The following CRIM1 variants were observed in gnomAD, a reference collection of about 807,000 sequenced individuals.
The protein encoded by CRIM1 is cysteine rich transmembrane BMP regulator 1.
In CRIM1, 32 loss-of-function variants were observed where a neutral mutation model predicts 116.4. The observed-to-expected ratio is 0.27, with a 90% CI of 0.21 to 0.37. The LOEUF (loss-of-function observed/expected upper bound fraction) is 0.37, where lower values mean the gene tolerates loss of function less well. Ranked by LOEUF, CRIM1 falls within the 10% of genes least tolerant of loss-of-function variation. The pLI is 1.00. For synonymous variants in CRIM1, 590 were observed against 509.2 expected, an observed-to-expected ratio of 1.16 and a Z score of -2.13; for missense variants, 1,331 against 1,354.8, an observed-to-expected ratio of 0.98 and a Z score of 0.28.
At chr2:36,457,115 A>G (rs1405578236) in intron 4 of CRIM1, among the ~76,000 whole-genome samples, 4 of 152,094 alleles carry the variant, frequency 2.6e-5, no homozygotes, top group Non-Finnish European at 1.5e-5. Context: ...AGTAGTAGGA[A>G]GGCAAGGGAA....
intron 2 of CRIM1, among the ~76,000 whole-genome samples, chr2:36,397,875 G>A (rs1237308249): frequency 6.6e-6 from 1 of 152,148 alleles, no homozygotes; most frequent in Non-Finnish European, 1.5e-5. Context: ...AGAACATTTA[G>A]TCCAGTCCTT....
intron 1 of CRIM1, among the ~76,000 whole-genome samples, chr2:36,365,394 A>G (rs905642578): frequency 2.0e-5 from 3 of 152,236 alleles, no homozygotes; most frequent in African/African-American, 7.2e-5. Context: ...CCCCAAGGAT[A>G]TAGCCAGGCC....
At chr2:36,377,822 A>G (rs1007823734) in intron 1 of CRIM1, among the ~76,000 whole-genome samples, 1 of 152,214 alleles carries the variant, frequency 6.6e-6, no homozygotes, top group Non-Finnish European at 1.5e-5. Context: ...GGTTGAAATA[A>G]GGCATCATAG....
At chr2:36,362,514 C>G (rs1253566721) in intron 1 of CRIM1, among the ~76,000 whole-genome samples, 2 of 152,146 alleles carry the variant, frequency 1.3e-5, no homozygotes, top group Non-Finnish European at 2.9e-5. Flanking sequence ...GTGATTTTCT[C>G]TTTGTTCTAG....
chr2:36,523,461 G>A (rs1043225202), intron 13 of CRIM1, among the ~76,000 whole-genome samples: 7 of 152,142 alleles, frequency 4.6e-5, no homozygotes, highest in Non-Finnish European at 8.8e-5. Context: ...CTAGTCCTAT[G>A]GACATAAGCC....
chr2:36,518,082 A>C (rs1665147015), intron 12 of CRIM1, among the ~76,000 whole-genome samples: 1 of 152,224 alleles, frequency 6.6e-6, no homozygotes, highest in Non-Finnish European at 1.5e-5. Context: ...GCACATGTAT[A>C]AGGAGTGCTA....
At chr2:36,479,781 C>T (rs1436039232) in intron 7 of CRIM1, 87 bp downstream of exon 7, 1 of 1,338,620 alleles carries the variant, frequency 7.5e-7, no homozygotes, top group African/African-American at 1.4e-5. Context: ...TTGTTTATTT[C>T]CTTGGGCATA....
At chr2:36,414,739 G>A (rs1673472729) in intron 2 of CRIM1, among the ~76,000 whole-genome samples, 1 of 152,166 alleles carries the variant, frequency 6.6e-6, no homozygotes, top group African/African-American at 2.4e-5. Context: ...AAAGAGTTTT[G>A]TGTCCCGAGG....
At chr2:36,381,736 G>C (rs780076442) in intron 1 of CRIM1, among the ~76,000 whole-genome samples, 3 of 152,194 alleles carry the variant, frequency 2.0e-5, no homozygotes, top group Non-Finnish European at 2.9e-5. Flanking sequence ...GCAGTGAGCC[G>C]AGATTACGCT....
chr2:36,487,069 G>A (rs910400814), intron 7 of CRIM1, among the ~76,000 whole-genome samples: 1 of 152,160 alleles, frequency 6.6e-6, no homozygotes, highest in African/African-American at 2.4e-5. Flanking sequence ...TGTCTACCCA[G>A]TAGAATTTAA....
chr2:36,367,915 A>T (rs1423691493), intron 1 of CRIM1, among the ~76,000 whole-genome samples: 2 of 152,096 alleles, frequency 1.3e-5, no homozygotes, highest in Non-Finnish European at 2.9e-5. Flanking sequence ...TATGTACTTC[A>T]TTAATTATTA....
chr2:36,442,608 C>T lies in CRIM1; in HGVS notation c.749-7C>T. 2 of 1,614,130 alleles carry T rather than the reference C, an allele frequency of 1.2e-6. No homozygotes were observed. The highest frequency in any genetic ancestry group is 8.5e-7 in the Non-Finnish European group (1 of 1,179,992). ...ATAAACGGTGCCTCTCTGTTTGCCC[C>T]TTTCAGTTTTCGGCGTGGACTGCAG... On this transcript the variant is annotated splice_region_variant and splice_polypyrimidine_tract_variant and intron_variant, in intron 3 of 16. Coordinates refer to ENST00000280527, the MANE Select transcript of CRIM1 (RefSeq NM_016441.3).
At chr2:36,414,701 C>G (rs57947134) in intron 2 of CRIM1, among the ~76,000 whole-genome samples, 25,370 of 152,094 alleles carry the variant, frequency 0.17, 2,242 homozygotes, top group East Asian at 0.28. Context: ...AGTGAACTTG[C>G]CCATGTTCAG....
At chr2:36,546,882 A>C in intron 15 of CRIM1, 102 bp from the exon 16 acceptor site, 3 of 656,416 alleles carry the variant, frequency 4.6e-6, no homozygotes, top group Non-Finnish European at 7.7e-6. Context: ...AAAACTGGGA[A>C]GCAATAAAAC....
chr2:36,365,090 T>C (rs139636871), intron 1 of CRIM1, among the ~76,000 whole-genome samples: 2 of 152,066 alleles, frequency 1.3e-5, no homozygotes, highest in Admixed American at 1.3e-4. Context: ...AAAAGAACCG[T>C]GAAGTACCGA....
At chr2:36,421,413 T>C (rs1674056380) in intron 2 of CRIM1, among the ~76,000 whole-genome samples, 1 of 152,214 alleles carries the variant, frequency 6.6e-6, no homozygotes, top group Admixed American at 6.5e-5. Context: ...ATGGGACTTT[T>C]TTCAAAAACC....
intron 13 of CRIM1, among the ~76,000 whole-genome samples, chr2:36,531,380 T>TG (rs1489420254): frequency 6.6e-6 from 1 of 151,532 alleles, no homozygotes; most frequent in Non-Finnish European, 1.5e-5. Flanking sequence ...AATCTGGAGA[T>TG]GCGTTTTTGG....
At chr2:36,446,550 CT>C (rs1676256103) in intron 4 of CRIM1, among the ~76,000 whole-genome samples, 1 of 152,032 alleles carries the variant, frequency 6.6e-6, no homozygotes, top group Non-Finnish European at 1.5e-5. Flanking sequence ...ATTTTCACTT[CT>C]TTTGTGTCTT....
intron 10 of CRIM1, 21 bp downstream of exon 10, chr2:36,512,415 CT>C: frequency 6.3e-7 from 1 of 1,583,362 alleles, no homozygotes. Context: ...ACACATGGCC[CT>C]TCCCCCTCAA....
Sources: gnomAD v4.1 joint callset for allele counts (sites outside exome capture counted in the v4.1 genomes callset) on GRCh38, gnomAD v4.1.1 for gene constraint, MANE v1.5 for transcripts, NCBI Gene and HGNC (gene_info 2026-07-23, HGNC 2026-07-21) for gene names.